Variants in KDM4C observed in about 807,000 individuals in gnomAD.
KDM4C encodes the protein lysine-specific demethylase 4C.
Under a neutral mutation model 129.3 loss-of-function variants are expected in KDM4C, and 81 were observed. The observed-to-expected ratio is 0.63, with a 90% CI of 0.52 to 0.75. The LOEUF is 0.75. KDM4C is among the 30% of genes least tolerant of loss of function. The pLI is 0.00. For synonymous variants in KDM4C, 573 were observed against 456.1 expected (o/e 1.26, Z -3.26); for missense variants, 1,457 against 1,304.0 (o/e 1.12, Z -1.81).
rs1341568449 is a variant in KDM4C at position 7,052,627 on chromosome 9, G to A, written c.2424+3427G>A. On this transcript the variant is annotated intron_variant, in intron 17 of 21. Coordinates refer to ENST00000381309, the MANE Select transcript of KDM4C (RefSeq NM_015061.6). ...AATTGTAGAGCCCAGCAGTACTCCA[G>A]AGAGCCTATGAAACATGCATGCAGT... is the stretch of plus-strand genomic sequence containing the variant. Among the ~76,000 whole-genome samples, 2 of 152,184 alleles carry A rather than the reference G, an allele frequency of 1.3e-5. 1 individual carries two copies. The highest frequency in any genetic ancestry group is 4.8e-5 in the African/African-American group (2 of 41,440).
intron 19 of KDM4C, among the ~76,000 whole-genome samples, chr9:7,139,458 A>G (rs752766121): frequency 6.6e-6 from 1 of 152,222 alleles, no homozygotes; most frequent in Non-Finnish European, 1.5e-5. Context: ...TAAGCAGCCA[A>G]CACCTGAAGT....
intron 8 of KDM4C, among the ~76,000 whole-genome samples, chr9:6,898,268 G>A (rs181925108): frequency 3.3e-5 from 5 of 152,258 alleles, no homozygotes; most frequent in Non-Finnish European, 1.5e-5. Flanking sequence ...TGATTGTCTC[G>A]AAGGGAAGAA....
chr9:6,871,219 T>A (rs142660399), intron 5 of KDM4C, among the ~76,000 whole-genome samples: 12 of 152,214 alleles, frequency 7.9e-5, no homozygotes, highest in African/African-American at 2.7e-4. Context: ...TAGAGAAAAC[T>A]TGAACTAGAG....
At chr9:7,055,355 G>A (rs2132625642) in intron 17 of KDM4C, among the ~76,000 whole-genome samples, 1 of 152,290 alleles carries the variant, frequency 6.6e-6, no homozygotes, top group South Asian at 2.1e-4. Context: ...GGAATAGCAG[G>A]ATTTGCCCCT....
chr9:7,064,276 A>T (rs1832110238), intron 17 of KDM4C, among the ~76,000 whole-genome samples: 1 of 152,186 alleles, frequency 6.6e-6, no homozygotes, highest in African/African-American at 2.4e-5. Context: ...TTATTTTTAT[A>T]TTGTCAATAT....
intron 4 of KDM4C, among the ~76,000 whole-genome samples, chr9:6,827,472 T>C (rs1834084028): frequency 6.6e-6 from 1 of 152,212 alleles, no homozygotes; most frequent in Admixed American, 6.5e-5. Flanking sequence ...GTGTTAGACA[T>C]AGTGGCATTT....
At chr9:6,957,011 A>C (rs1325789972) in intron 8 of KDM4C, among the ~76,000 whole-genome samples, 1 of 152,154 alleles carries the variant, frequency 6.6e-6, no homozygotes, top group African/African-American at 2.4e-5. Context: ...TGCAGCTCTT[A>C]CATTTGGTTA....
At chr9:6,867,199 A>T (rs961741657) in intron 5 of KDM4C, among the ~76,000 whole-genome samples, 1 of 151,836 alleles carries the variant, frequency 6.6e-6, no homozygotes, top group Non-Finnish European at 1.5e-5. Context: ...GTATTTTAGT[A>T]GAGACGGGGT....
chr9:6,955,642 G>T (rs145991241), intron 8 of KDM4C, among the ~76,000 whole-genome samples: 1 of 152,120 alleles, frequency 6.6e-6, no homozygotes, highest in Non-Finnish European at 1.5e-5. Context: ...AACGTTTGGC[G>T]CTTGAAATTT....
chr9:6,726,157 C>T (rs972417414), intron 1 of KDM4C, among the ~76,000 whole-genome samples: 2 of 152,068 alleles, frequency 1.3e-5, no homozygotes, highest in African/African-American at 4.8e-5. Context: ...TCAAACTCCT[C>T]AGGCAATCCG....
intron 8 of KDM4C, among the ~76,000 whole-genome samples, chr9:6,976,368 T>G (rs930292590): frequency 2.0e-5 from 3 of 152,200 alleles, no homozygotes; most frequent in Non-Finnish European, 4.4e-5. Context: ...ATTCTTACTG[T>G]CTTCACTAAC....
intron 17 of KDM4C, among the ~76,000 whole-genome samples, chr9:7,094,560 G>C (rs937518452): frequency 6.6e-6 from 1 of 152,124 alleles, no homozygotes; most frequent in Non-Finnish European, 1.5e-5. Flanking sequence ...TTACGTAGGG[G>C]AAGGTGGTGG....
At chr9:6,957,050 T>G (rs1829189969) in intron 8 of KDM4C, among the ~76,000 whole-genome samples, 1 of 152,230 alleles carries the variant, frequency 6.6e-6, no homozygotes. Flanking sequence ...CTGGCTTTGC[T>G]GACCCACTTC....
At chr9:6,727,412 T>G (rs1817168811) in intron 1 of KDM4C, 1 of 150,666 alleles carries the variant, frequency 6.6e-6, no homozygotes, top group South Asian at 2.1e-4. Context: ...AATTGCACCA[T>G]TGCACTCTAG....
intron 8 of KDM4C, among the ~76,000 whole-genome samples, chr9:6,959,101 T>G (rs12551848): frequency 0.027 from 4,058 of 152,312 alleles, 89 homozygotes; most frequent in South Asian, 0.05. Flanking sequence ...TTTTCAGAGA[T>G]ATCCAGGAAC....
chr9:7,019,765 A>ATTATATTTT (rs1563993433), intron 15 of KDM4C, among the ~76,000 whole-genome samples: 1 of 121,154 alleles, frequency 8.3e-6, no homozygotes, highest in African/African-American at 3.3e-5. Flanking sequence ...ATATAAAAAT[A>ATTATATTTT]TAATATTTTT....
At position 6,888,012 on chromosome 9, in the gene KDM4C, G is replaced by T. The variant is rs1205997016; in HGVS notation, c.732G>T (p.Met244Ile). 6.2e-7 allele frequency: 1 copy of T among 1,611,784 alleles called. No individual in the cohort carries two copies. Among genetic ancestry groups the T allele is most frequent in the Non-Finnish European group, 8.5e-7 (1 of 1,178,396 alleles). ...GTGATGCATTTCTTCGCCACAAGAT[G>T]ACATTGATTTCTCCATCAGTATTGA... is the stretch of plus-strand genomic sequence containing the variant. ...QGCDAFLRHK[M>I]TLISPSVLKK... The change falls in exon 7 of 22, where the codon ATG becomes ATT. Residue 244 changes from methionine to isoleucine, a missense_variant. Met to Ile is a conservative substitution (Grantham distance 10). Transcript: ENST00000381309.
chr9:7,172,713 G>A (rs1254935499), intron 21 of KDM4C, among the ~76,000 whole-genome samples: 1 of 152,184 alleles, frequency 6.6e-6, no homozygotes, highest in Non-Finnish European at 1.5e-5. Context: ...TTACGCTTCG[G>A]TACATTTTTT....
At chr9:6,808,690 T>TA (rs908471656) in intron 3 of KDM4C, among the ~76,000 whole-genome samples, 2,020 of 63,826 alleles carry the variant, frequency 0.032, 27 homozygotes, top group Middle Eastern at 0.069. Context: ...GAATTATCAA[T>TA]AAAAAAAAAA....
Sources: allele counts gnomAD v4.1 joint callset (sites outside exome capture counted in the v4.1 genomes callset), GRCh38; gene constraint gnomAD v4.1.1; transcripts MANE v1.5; gene names NCBI Gene and HGNC (gene_info 2026-07-23, HGNC 2026-07-21).